The following DOP1B variants were observed in gnomAD, a reference collection of about 807,000 sequenced individuals.
The protein encoded by DOP1B is protein DOP1B.
In DOP1B, 174 loss-of-function variants were observed where a neutral mutation model predicts 233.5. That is an observed-to-expected ratio of 0.75 (90% confidence interval 0.66 to 0.85). The LOEUF is 0.85. Among genes scored for constraint, DOP1B ranks in the 40% least tolerant of loss-of-function variants. The pLI, the probability that DOP1B is intolerant of heterozygous loss-of-function variation, is 0.00. For synonymous variants in DOP1B, 1,190 were observed against 1,185.6 expected, an observed-to-expected ratio of 1.00 and a Z score of -0.08; for missense variants, 2,652 against 2,846.6, an observed-to-expected ratio of 0.93 and a Z score of 1.56.
intron 2 of DOP1B, among the ~76,000 whole-genome samples, chr21:36,171,656 A>G (rs1031852111): frequency 4.6e-5 from 7 of 152,168 alleles, no homozygotes; most frequent in African/African-American, 1.7e-4. Flanking sequence ...CAGCGGGGGG[A>G]GAGGCACGGG....
Position 36,208,752 on chromosome 21 carries a change from G to T in DOP1B, c.529G>T (p.Gly177Cys), listed in dbSNP as rs775247057. Residue 177 changes from glycine to cysteine, a missense_variant, in exon 5 of 37, where the codon GGC becomes TGC. Coordinates refer to ENST00000691173, the MANE Select transcript of DOP1B (RefSeq NM_001320714.2). ...ALLLRLSLVVGKEVFYTALWG... is the reference protein window; with the variant it reads ...ALLLRLSLVVCKEVFYTALWG... ...GCTCCTGAGACTGTCGCTGGTGGTT[G>T]GCAAAGAGGTGTTTTACACCGCCCT... The T allele has an allele frequency of 1.2e-6, 2 of 1,613,658 alleles. No homozygotes were observed.
At chr21:36,220,164 G>C (rs1477561426) in intron 10 of DOP1B, among the ~76,000 whole-genome samples, 1 of 151,966 alleles carries the variant, frequency 6.6e-6, no homozygotes, top group African/African-American at 2.4e-5. Context: ...ACTAGCATTG[G>C]GTACATTGAA....
intron 2 of DOP1B, among the ~76,000 whole-genome samples, chr21:36,190,913 G>T (rs1018364038): frequency 6.6e-6 from 1 of 152,178 alleles, no homozygotes; most frequent in Admixed American, 6.5e-5. Context: ...TGGCACACCT[G>T]TTTTGTGCTA....
At chr21:36,169,280 T>A in intron 2 of DOP1B, 1 of 817,596 alleles carries the variant, frequency 1.2e-6, no homozygotes, top group Non-Finnish European at 2.1e-6. Flanking sequence ...GGAGGCATTG[T>A]TCTTGATCGG....
At chr21:36,271,793 T>C (rs1351685080) in intron 27 of DOP1B, among the ~76,000 whole-genome samples, 3 of 151,464 alleles carry the variant, frequency 2.0e-5, no homozygotes, top group Admixed American at 6.6e-5. Context: ...GGGATAAAGA[T>C]GATGAGAATG....
chr21:36,283,142 C>G (rs1177142212), intron 32 of DOP1B, among the ~76,000 whole-genome samples: 1 of 151,134 alleles, frequency 6.6e-6, no homozygotes, highest in East Asian at 2.0e-4. Context: ...AGTGCAGTGG[C>G]GCAGTCTCGC....
chr21:36,184,547 C>T (rs978259670), intron 2 of DOP1B, among the ~76,000 whole-genome samples: 1 of 152,180 alleles, frequency 6.6e-6, no homozygotes, highest in Non-Finnish European at 1.5e-5. Context: ...TCACAGGTCT[C>T]CTGCTTCCGT....
chr21:36,157,079 C>T (rs1353418740), intron 1 of DOP1B, 136 bp downstream of exon 1: 1 of 152,276 alleles, frequency 6.6e-6, no homozygotes, highest in African/African-American at 2.4e-5. Flanking sequence ...CGTGGGGCGG[C>T]CCGGGGTGCA....
intron 31 of DOP1B, among the ~76,000 whole-genome samples, chr21:36,280,940 T>C (rs1326456904): frequency 6.6e-6 from 1 of 150,954 alleles, no homozygotes; most frequent in African/African-American, 2.4e-5. Flanking sequence ...AGGCAGAGAT[T>C]ACAGTGAGCC....
At chr21:36,277,142 G>A (rs543285428) in intron 28 of DOP1B, 42 bp downstream of exon 28, 43 of 1,593,122 alleles carry the variant, frequency 2.7e-5, no homozygotes, top group South Asian at 2.2e-4. Flanking sequence ...GGAAATGAGC[G>A]CCATCACGAA....
intron 2 of DOP1B, among the ~76,000 whole-genome samples, chr21:36,182,676 A>ACC (rs1285623193): frequency 6.6e-6 from 1 of 152,148 alleles, no homozygotes; most frequent in Non-Finnish European, 1.5e-5. Context: ...AAAAAAAGTT[A>ACC]AAGTTAGCCA....
chr21:36,281,561 T>C lies in DOP1B; in HGVS notation c.6110T>C (p.Val2037Ala), dbSNP rs778789753. Residue 2037 changes from valine to alanine, a missense_variant, in exon 32 of 37, where the codon GTC (valine) becomes GCC (alanine). Val to Ala is a moderately conservative substitution (Grantham distance 64, BLOSUM62 0). This residue lies in a region of DOP1B where 2,617 missense variants were observed against 2,794.3 expected (regional missense o/e 0.94). Coordinates refer to ENST00000691173, the MANE Select transcript of DOP1B (RefSeq NM_001320714.2). ...CTGTTAAAGCGCCAGGCTTTTGCTG[T>C]CTTCAGTGGAGAACTTGATCAATAC... ...AMLLKRQAFA[V>A]FSGELDQYHL... 1 of 1,609,776 alleles carries C rather than the reference T, an allele frequency of 6.2e-7. No individual in the cohort carries two copies. The highest frequency in any genetic ancestry group is 1.1e-5 in the South Asian group (1 of 90,876).
intron 2 of DOP1B, among the ~76,000 whole-genome samples, chr21:36,176,087 G>T (rs1011922618): frequency 2.2e-4 from 21 of 96,594 alleles, no homozygotes; most frequent in Non-Finnish European, 4.7e-4. Context: ...TCGACTTTGG[G>T]GTGTGTGTGC....
chr21:36,230,742 A>G lies in DOP1B; in HGVS notation c.1958A>G (p.Glu653Gly), dbSNP rs778003237. Reference protein sequence around the residue: ...FGVQLTASGEESKSEEPAGKR... With the variant: ...FGVQLTASGEGSKSEEPAGKR... ...GTACAGCTGACAGCGTCAGGAGAAG[A>G]AAGCAAGTCCGAGGAGCCTGCAGGG... Residue 653 changes from glutamate to glycine, a missense_variant, in exon 14 of 37, where the codon GAA becomes GGA. Around this residue, in one of 3 missense-constraint regions of DOP1B, gnomAD observed 2,617 missense variants for 2,794.3 expected, o/e 0.94. Coordinates refer to ENST00000691173, the MANE Select transcript of DOP1B (RefSeq NM_001320714.2). 5.6e-6 allele frequency: 9 copies of G among 1,614,228 alleles called. No individual in the cohort carries two copies. Among genetic ancestry groups the G allele is most frequent in the Non-Finnish European group, 7.6e-6 (9 of 1,180,044 alleles).
At chr21:36,182,348 T>G (rs1324258130) in intron 2 of DOP1B, among the ~76,000 whole-genome samples, 3 of 152,152 alleles carry the variant, frequency 2.0e-5, no homozygotes, top group Non-Finnish European at 4.4e-5. Flanking sequence ...CAGTAAATGT[T>G]ATTGTTCTAG....
intron 1 of DOP1B, among the ~76,000 whole-genome samples, chr21:36,160,210 A>G (rs2065857349): frequency 6.6e-6 from 1 of 152,136 alleles, no homozygotes; most frequent in Admixed American, 6.6e-5. Context: ...GGAACAAACT[A>G]CCAGCTCTCA....
chr21:36,187,227 T>C (rs62229326), intron 2 of DOP1B, among the ~76,000 whole-genome samples: 90,311 of 143,450 alleles, frequency 0.63, 27,933 homozygotes, highest in African/African-American at 0.7. Context: ...CTCCCCTCCC[T>C]TCCCGGGGGA....
At chr21:36,181,956 A>G (rs1401782746) in intron 2 of DOP1B, among the ~76,000 whole-genome samples, 1 of 152,236 alleles carries the variant, frequency 6.6e-6, no homozygotes, top group Non-Finnish European at 1.5e-5. Context: ...TTATCTTTAT[A>G]TGGCAAGAAA....
At chr21:36,173,908 TTTTTTTG>T (rs2065996454) in intron 2 of DOP1B, among the ~76,000 whole-genome samples, 2 of 152,120 alleles carry the variant, frequency 1.3e-5, no homozygotes, top group South Asian at 2.1e-4. Context: ...ATGAACCAGT[TTTTTTTG>T]TTTTTTGTTT....
Sources: allele counts gnomAD v4.1 joint callset (sites outside exome capture counted in the v4.1 genomes callset), GRCh38; gene constraint gnomAD v4.1.1; regional missense constraint gnomAD v4.1.1; transcripts MANE v1.5; gene names NCBI Gene and HGNC (gene_info 2026-07-23, HGNC 2026-07-21).